ADGRL4: variants seen among roughly 807,000 people sequenced by gnomAD.
ADGRL4 encodes the protein adhesion G protein-coupled receptor L4.
Under a neutral mutation model 74.8 loss-of-function variants are expected in ADGRL4, and 90 were observed. The observed-to-expected ratio is 1.20, with a 90% CI of 1.02 to 1.43. ADGRL4 has a LOEUF of 1.43. Among genes scored for constraint, ADGRL4 ranks in the 40% most tolerant of loss-of-function variants. The pLI, the probability that ADGRL4 is intolerant of heterozygous loss-of-function variation, is 0.00. For missense variants in ADGRL4, 881 were observed against 814.3 expected (o/e 1.08, Z -1.00); for synonymous variants, 311 against 279.2 (o/e 1.11, Z -1.14).
intron 2 of ADGRL4, among the ~76,000 whole-genome samples, chr1:78,982,748 A>C (rs1384539629): frequency 6.6e-6 from 1 of 151,896 alleles, no homozygotes; most frequent in Non-Finnish European, 1.5e-5. Context: ...CCTTGAGGAC[A>C]AACATAAATA....
At chr1:78,944,811 A>G (rs1040988273) in intron 3 of ADGRL4, among the ~76,000 whole-genome samples, 1 of 152,112 alleles carries the variant, frequency 6.6e-6, no homozygotes. Context: ...TTTACATAAC[A>G]GAGTAAATGT....
intron 2 of ADGRL4, among the ~76,000 whole-genome samples, chr1:78,999,812 CT>C (rs1172934020): frequency 6.8e-6 from 1 of 147,554 alleles, no homozygotes; most frequent in Non-Finnish European, 1.5e-5. Flanking sequence ...ATCTATCTAT[CT>C]ATCTATCTAT....
At chr1:78,953,711 G>A (rs965537967) in intron 2 of ADGRL4, among the ~76,000 whole-genome samples, 1 of 152,194 alleles carries the variant, frequency 6.6e-6, no homozygotes, top group Non-Finnish European at 1.5e-5. Context: ...TATAGGGGAA[G>A]ATTAGATGGA....
chr1:78,912,903 T>A (rs1570222065), intron 12 of ADGRL4, among the ~76,000 whole-genome samples: 1 of 151,960 alleles, frequency 6.6e-6, no homozygotes, highest in African/African-American at 2.4e-5. Context: ...AAAAGTCTAA[T>A]TCCAGAACTA....
intron 2 of ADGRL4, among the ~76,000 whole-genome samples, chr1:78,951,285 A>G (rs1649717001): frequency 6.6e-6 from 1 of 152,098 alleles, no homozygotes; most frequent in African/African-American, 2.4e-5. Flanking sequence ...CTTCTTACCA[A>G]TCAAGTGATA....
At chr1:78,895,046 C>T (rs1237151949) in intron 12 of ADGRL4, among the ~76,000 whole-genome samples, 2 of 151,892 alleles carry the variant, frequency 1.3e-5, no homozygotes, top group Admixed American at 6.6e-5. Flanking sequence ...CTTGAAAGTA[C>T]ATTTTTTCTG....
At chr1:78,967,405 G>C (rs1650079129) in intron 2 of ADGRL4, among the ~76,000 whole-genome samples, 1 of 152,012 alleles carries the variant, frequency 6.6e-6, no homozygotes, top group African/African-American at 2.4e-5. Context: ...CAACTTACCA[G>C]GTTTTACATT....
intron 2 of ADGRL4, among the ~76,000 whole-genome samples, chr1:78,968,268 A>T (rs192903139): frequency 6.6e-6 from 1 of 152,076 alleles, no homozygotes; most frequent in East Asian, 1.9e-4. Context: ...GAAATATTTT[A>T]AAAATAGTTA....
intron 2 of ADGRL4, among the ~76,000 whole-genome samples, chr1:78,989,844 C>T (rs563437696): frequency 2.6e-5 from 4 of 151,994 alleles, no homozygotes; most frequent in South Asian, 4.1e-4. Context: ...GTATTTTCGT[C>T]TTTAGTCTTC....
chr1:78,946,280 A>G lies in ADGRL4; in HGVS notation c.319T>C (p.Cys107Arg). Reference sequence around the variant, plus strand: ...CTTAGATAACCGAACTTACCTATACAGACGGTTCCATCATTAGTGATAAAC... The same window carrying G: ...CTTAGATAACCGAACTTACCTATACGGACGGTTCCATCATTAGTGATAAAC... ...DRFITNDGTV[C>R]IENVNANCHL... Residue 107 changes from cysteine (C) to arginine (R), a missense_variant, in exon 3 of 15, where the codon TGT (cysteine) becomes CGT (arginine). Physicochemically the swap from Cys to Arg is radical, Grantham distance 180. Transcript: ENST00000370742. 2.5e-6 allele frequency: 4 copies of G among 1,610,558 alleles called. No individual in the cohort carries two copies. The highest frequency in any genetic ancestry group is 3.4e-6 in the Non-Finnish European group (4 of 1,178,600).
chr1:78,987,028 G>A (rs1650512700), intron 2 of ADGRL4, among the ~76,000 whole-genome samples: 1 of 151,736 alleles, frequency 6.6e-6, no homozygotes. Context: ...AAACAGGATA[G>A]TTTGGAAGGA....
At chr1:78,897,428 T>C (rs1648421042) in intron 12 of ADGRL4, among the ~76,000 whole-genome samples, 1 of 152,184 alleles carries the variant, frequency 6.6e-6, no homozygotes, top group Non-Finnish European at 1.5e-5. Flanking sequence ...GTAGGAATCC[T>C]GTTAAGTCAG....
intron 2 of ADGRL4, among the ~76,000 whole-genome samples, chr1:78,953,424 A>T (rs988263464): frequency 6.6e-6 from 1 of 152,240 alleles, no homozygotes; most frequent in Non-Finnish European, 1.5e-5. Context: ...TGCAAAAAAA[A>T]AGCTGCTAGT....
At chr1:78,933,314 A>G (rs1165919139) in intron 7 of ADGRL4, among the ~76,000 whole-genome samples, 2 of 151,430 alleles carry the variant, frequency 1.3e-5, no homozygotes, top group Non-Finnish European at 2.9e-5. Context: ...CATAAACAGA[A>G]CCCAAGACAA....
intron 12 of ADGRL4, among the ~76,000 whole-genome samples, chr1:78,906,533 T>C (rs572073434): frequency 6.6e-6 from 1 of 152,062 alleles, no homozygotes; most frequent in South Asian, 2.1e-4. Context: ...TGGAAAGGAA[T>C]AAAGGTGAAG....
At chr1:78,993,111 T>A (rs1446872213) in intron 2 of ADGRL4, among the ~76,000 whole-genome samples, 4 of 152,100 alleles carry the variant, frequency 2.6e-5, no homozygotes, top group African/African-American at 7.2e-5. Context: ...TTTTTTTAAT[T>A]TAAACCAAGC....
At position 78,927,062 on chromosome 1, in the gene ADGRL4, T is replaced by A; in HGVS notation, c.907A>T (p.Lys303Ter). 6.2e-7 allele frequency: 1 copy of A among 1,604,698 alleles called. No homozygotes were observed. Among genetic ancestry groups the A allele is most frequent in the Non-Finnish European group, 8.5e-7 (1 of 1,173,378 alleles). Residue 303 changes from lysine to a stop codon, truncating the protein, a stop_gained, in exon 8 of 15, where the codon AAG becomes TAG. Coordinates refer to ENST00000370742, the MANE Select transcript of ADGRL4 (RefSeq NM_022159.4). LOFTEE classifies it high-confidence loss of function. ...GNVAVAFVYY[K>*]SIGPLLSSSD... ...GATGAAAGCAAAGGACCAATACTCT[T>A]ATAATATACAAATGCAACTGCAACA...
At chr1:78,937,761 T>C in intron 6 of ADGRL4, 46 bp downstream of exon 6, 2 of 1,560,984 alleles carry the variant, frequency 1.3e-6, no homozygotes, top group Non-Finnish European at 1.7e-6. Context: ...TGAAAATGGC[T>C]TATTTGGAAA....
At chr1:78,917,592 A>G (rs776304355) in intron 12 of ADGRL4, 42 bp downstream of exon 12, 13 of 1,350,164 alleles carry the variant, frequency 9.6e-6, no homozygotes, top group Admixed American at 9.0e-5. Flanking sequence ...CCCTATGATC[A>G]TCACTTTTTT....
Sources: allele counts gnomAD v4.1 joint callset (sites outside exome capture counted in the v4.1 genomes callset), GRCh38; gene constraint gnomAD v4.1.1; transcripts MANE v1.5; gene names NCBI Gene and HGNC (gene_info 2026-07-23, HGNC 2026-07-21).